ADGRL2: variants seen among roughly 807,000 people sequenced by gnomAD.
ADGRL2 encodes the protein adhesion G protein-coupled receptor L2.
In ADGRL2, 44 loss-of-function variants were observed where a neutral mutation model predicts 157.4. The ratio of observed to expected loss-of-function variants is 0.28; its 90% CI spans 0.22 to 0.36. The LOEUF (loss-of-function observed/expected upper bound fraction) is 0.36. Ranked by LOEUF, ADGRL2 falls within the 10% of genes least tolerant of loss-of-function variation. The pLI is 1.00. For synonymous variants in ADGRL2, 585 were observed against 624.7 expected (o/e 0.94, Z 0.95); for missense variants, 1,510 against 1,768.9 (o/e 0.85, Z 2.63).
intron 3 of ADGRL2, among the ~76,000 whole-genome samples, chr1:81,641,178 C>T (rs1326099482): frequency 2.0e-5 from 3 of 152,066 alleles, no homozygotes; most frequent in Admixed American, 6.6e-5. Context: ...AGGCAAATAT[C>T]GACAGAACTG....
intron 10 of ADGRL2, among the ~76,000 whole-genome samples, chr1:81,954,213 C>CTT (rs140156138): frequency 5.4e-5 from 8 of 148,012 alleles, no homozygotes; most frequent in Admixed American, 6.8e-5. Context: ...AAAAGAATAG[C>CTT]TTTTTTTTTT....
chr1:81,366,706 C>T (rs2076073094), intron 1 of ADGRL2, among the ~76,000 whole-genome samples: 1 of 152,118 alleles, frequency 6.6e-6, no homozygotes, highest in African/African-American at 2.4e-5. Context: ...GTATGAAATG[C>T]CTCCATATTT....
chr1:81,590,473 G>A (rs573241296), intron 3 of ADGRL2, among the ~76,000 whole-genome samples: 77 of 152,042 alleles, frequency 5.1e-4, no homozygotes, highest in Non-Finnish European at 9.9e-4. Flanking sequence ...ACAATTAAGC[G>A]CTTCCCTGTG....
intron 13 of ADGRL2, among the ~76,000 whole-genome samples, chr1:81,967,528 T>C (rs1202446098): frequency 6.6e-6 from 1 of 152,206 alleles, no homozygotes; most frequent in Non-Finnish European, 1.5e-5. Context: ...CCCAAAGTGC[T>C]GGGATTACAG....
chr1:81,842,769 T>TA (rs1351672777), intron 2 of ADGRL2, among the ~76,000 whole-genome samples: 4 of 152,176 alleles, frequency 2.6e-5, no homozygotes, highest in Admixed American at 1.3e-4. Context: ...GTAGAGCTCT[T>TA]AAAACTCTTG....
At chr1:81,857,764 TTAAA>T (rs1474381942) in intron 2 of ADGRL2, among the ~76,000 whole-genome samples, 2 of 152,188 alleles carry the variant, frequency 1.3e-5, no homozygotes, top group African/African-American at 4.8e-5. Context: ...CAAGACAATA[TTAAA>T]TAAATTATTG....
At chr1:81,803,019 C>A (rs987442447) in intron 1 of ADGRL2, among the ~76,000 whole-genome samples, 1 of 152,068 alleles carries the variant, frequency 6.6e-6, no homozygotes, top group African/African-American at 2.4e-5. Context: ...AGAGAGCCTC[C>A]CGGAGCCGCA....
chr1:81,524,152 A>C (rs1225895904), intron 2 of ADGRL2, among the ~76,000 whole-genome samples: 1 of 152,034 alleles, frequency 6.6e-6, no homozygotes, highest in Non-Finnish European at 1.5e-5. Context: ...CGAGGTCAGG[A>C]GATCGAGACC....
At chr1:81,822,624 C>T (rs1012342374) in intron 1 of ADGRL2, among the ~76,000 whole-genome samples, 11 of 151,972 alleles carry the variant, frequency 7.2e-5, no homozygotes, top group Non-Finnish European at 1.3e-4. Context: ...GCTATCCTCC[C>T]GCCTCTGCCT....
Position 81,898,924 on chromosome 1 carries a change from G to C in ADGRL2, c.74-8093G>C, listed in dbSNP as rs548476520. ...AAAGAGATTTCATATGCCAGCACTG[G>C]TAATAGACTATGGCTTGAGTTAATG... On this transcript the variant is annotated intron_variant, in intron 2 of 23. Transcript: ENST00000686636. 9.9e-5 allele frequency among the ~76,000 whole-genome samples: 15 copies of C among 152,204 alleles called. 1 individual carries two copies. Among genetic ancestry groups the C allele is most frequent in the Non-Finnish European group, 1.9e-4 (13 of 68,012 alleles).
chr1:81,457,917 A>G (rs137995036), intron 2 of ADGRL2, among the ~76,000 whole-genome samples: 4 of 152,314 alleles, frequency 2.6e-5, no homozygotes, highest in Admixed American at 2.6e-4. Flanking sequence ...AATTTACATA[A>G]CCTCAGATTT....
intron 1 of ADGRL2, among the ~76,000 whole-genome samples, chr1:81,822,457 T>G (rs1216510739): frequency 6.6e-6 from 1 of 151,694 alleles, no homozygotes; most frequent in Non-Finnish European, 1.5e-5. Flanking sequence ...TTTGAAAATG[T>G]CCAATTTGTA....
chr1:81,702,003 T>C (rs555270439), intron 1 of ADGRL2, among the ~76,000 whole-genome samples: 5 of 152,366 alleles, frequency 3.3e-5, no homozygotes, highest in Admixed American at 6.5e-5. Context: ...CTCTCTGATA[T>C]TCTTTCAACC....
intron 3 of ADGRL2, among the ~76,000 whole-genome samples, chr1:81,618,906 G>T (rs1176283759): frequency 1.3e-5 from 2 of 151,490 alleles, no homozygotes; most frequent in Non-Finnish European, 2.9e-5. Flanking sequence ...TCTAGGTTGA[G>T]TTCTGAATTG....
chr1:81,879,213 C>A (rs1251631472), intron 2 of ADGRL2, among the ~76,000 whole-genome samples: 1 of 151,924 alleles, frequency 6.6e-6, no homozygotes, highest in East Asian at 1.9e-4. Context: ...TGGAGCCCCA[C>A]ATGATTGGGA....
At chr1:81,796,080 C>A (rs1194837873), upstream of ADGRL2, among the ~76,000 whole-genome samples, 9 of 151,968 alleles carry the variant, frequency 5.9e-5, no homozygotes, top group Non-Finnish European at 1.3e-4. Context: ...AACCTCTGAC[C>A]CCCAGGTTCA....
At chr1:81,669,492 C>T (rs2082822172) in intron 3 of ADGRL2, among the ~76,000 whole-genome samples, 1 of 139,878 alleles carries the variant, frequency 7.1e-6, no homozygotes, top group Non-Finnish European at 1.6e-5. Context: ...TTATTATTTA[C>T]TGTGTTTCAG....
intron 3 of ADGRL2, among the ~76,000 whole-genome samples, chr1:81,909,471 G>A (rs891152167): frequency 1.3e-5 from 2 of 152,048 alleles, no homozygotes; most frequent in African/African-American, 2.4e-5. Flanking sequence ...ATCCTTCAAC[G>A]AATTATAGGT....
At chr1:81,980,714 T>C in intron 18 of ADGRL2, 1 of 567,804 alleles carries the variant, frequency 1.8e-6, no homozygotes, top group Non-Finnish European at 3.3e-6. Context: ...CATTGCATGT[T>C]GCATGGTAAG....
Sources: allele counts gnomAD v4.1 joint callset (sites outside exome capture counted in the v4.1 genomes callset), GRCh38; gene constraint gnomAD v4.1.1; transcripts MANE v1.5; gene names NCBI Gene and HGNC (gene_info 2026-07-23, HGNC 2026-07-21).